IQSEC3: variants seen among roughly 807,000 people sequenced by gnomAD.
The protein encoded by IQSEC3 is IQ motif and SEC7 domain-containing protein 3.
In IQSEC3, 50 loss-of-function variants were observed where a neutral mutation model predicts 105.4. That is an observed-to-expected ratio of 0.47 (90% CI 0.38 to 0.60). The LOEUF (loss-of-function observed/expected upper bound fraction) is 0.60, where lower values mean the gene tolerates loss of function less well. IQSEC3 is among the 20% of genes least tolerant of loss of function. The pLI, the probability that IQSEC3 is intolerant of heterozygous loss-of-function variation, is 0.00. For synonymous variants in IQSEC3, 708 were observed against 746.0 expected (o/e 0.95, Z 0.83); for missense variants, 1,415 against 1,630.0 (o/e 0.87, Z 2.27).
At chr12:161,848 T>A (rs1482934861) in intron 7 of IQSEC3, 78 bp from the exon 8 acceptor site, 3 of 1,432,204 alleles carry the variant, frequency 2.1e-6, no homozygotes, top group African/African-American at 2.9e-5. Flanking sequence ...TGGATGGGGG[T>A]CTCTTCTGTC....
chr12:117,287 T>C (rs1323838344), intron 2 of IQSEC3, among the ~76,000 whole-genome samples: 1 of 152,198 alleles, frequency 6.6e-6, no homozygotes, highest in Admixed American at 6.5e-5. Context: ...TGTGTGAAAC[T>C]GTGTGTCATG....
chr12:163,436 G>C, intron 8 of IQSEC3, 58 bp from the exon 9 acceptor site: 1 of 1,493,042 alleles, frequency 6.7e-7, no homozygotes. Flanking sequence ...ATGGGCGCGT[G>C]GGTGGGGAGG....
At chr12:115,551 G>A (rs533878419) in intron 2 of IQSEC3, among the ~76,000 whole-genome samples, 14 of 152,174 alleles carry the variant, frequency 9.2e-5, no homozygotes, top group Non-Finnish European at 1.8e-4. Flanking sequence ...CGGAAGCTGG[G>A]GATGCATAAA....
chr12:132,088 G>C (rs562706361), intron 3 of IQSEC3, among the ~76,000 whole-genome samples: 1 of 152,168 alleles, frequency 6.6e-6, no homozygotes, highest in Non-Finnish European at 1.5e-5. Flanking sequence ...ATTGGGGCCC[G>C]AGGCAGGGAG....
At chr12:99,245 A>G (rs1555075518) in intron 2 of IQSEC3, 31 bp downstream of exon 2, 10 of 1,584,268 alleles carry the variant, frequency 6.3e-6, no homozygotes, top group Non-Finnish European at 7.7e-6. Context: ...TCCCTTCCGC[A>G]TCCCCACCTT....
chr12:87,871 T>C (rs1447138589), intron 1 of IQSEC3, among the ~76,000 whole-genome samples: 1 of 152,156 alleles, frequency 6.6e-6, no homozygotes, highest in Non-Finnish European at 1.5e-5. Flanking sequence ...TGTAAGGGCT[T>C]TCAAAGTGTT....
intron 3 of IQSEC3, among the ~76,000 whole-genome samples, chr12:127,371 T>C (rs1467338289): frequency 1.3e-5 from 2 of 151,380 alleles, no homozygotes; most frequent in Non-Finnish European, 2.9e-5. Context: ...ATACAAAAAT[T>C]AGCCAGGCGT....
At chr12:144,509 T>A (rs1436488183) in intron 5 of IQSEC3, 1 of 152,146 alleles carries the variant, frequency 6.6e-6, no homozygotes, top group Non-Finnish European at 1.5e-5. Flanking sequence ...AAGCAGCCGA[T>A]GAGGAAGAGC....
rs782815757 is a variant in IQSEC3, at chr12:163,447, C to G, written c.2584-47C>G. The G allele has an allele frequency of 5.8e-6, 9 of 1,542,724 alleles. No homozygotes were observed. The South Asian group carries it at 1.1e-4, about 18-fold the overall frequency. On this transcript the variant is annotated intron_variant, in intron 8 of 13. Coordinates refer to ENST00000538872, the MANE Select transcript of IQSEC3 (RefSeq NM_001170738.2). Reference sequence around the variant, plus strand: ...GAAAATGGGCGCGTGGGTGGGGAGGCCTCCAGGCCTCTGGTCTCTCCCGCT... The same window carrying G: ...GAAAATGGGCGCGTGGGTGGGGAGGGCTCCAGGCCTCTGGTCTCTCCCGCT...
chr12:74,188 G>A (rs1243094716), intron 1 of IQSEC3, among the ~76,000 whole-genome samples: 1 of 152,230 alleles, frequency 6.6e-6, no homozygotes, highest in African/African-American at 2.4e-5. Flanking sequence ...GAATGAGGCT[G>A]AATCAATTTC....
At chr12:75,459 G>A (rs1250530341) in intron 1 of IQSEC3, among the ~76,000 whole-genome samples, 3 of 152,300 alleles carry the variant, frequency 2.0e-5, no homozygotes, top group East Asian at 1.9e-4. Context: ...CTTTTCCAAC[G>A]AACTTCATGT....
chr12:131,174 T>C (rs1396091852), intron 3 of IQSEC3, among the ~76,000 whole-genome samples: 1 of 152,080 alleles, frequency 6.6e-6, no homozygotes, highest in Non-Finnish European at 1.5e-5. Context: ...TAATTAACAC[T>C]GAGAGGCTCA....
At chr12:154,305 AGCT>A (rs3063788) in intron 5 of IQSEC3, among the ~76,000 whole-genome samples, 123,855 of 152,020 alleles carry the variant, frequency 0.81, 52,891 homozygotes, top group East Asian at 0.96. Flanking sequence ...CACCCTCACC[AGCT>A]GCTCCCGCTG....
chr12:145,664 G>A (rs1451197690), intron 5 of IQSEC3, among the ~76,000 whole-genome samples: 3 of 152,230 alleles, frequency 2.0e-5, no homozygotes, highest in East Asian at 3.8e-4. Context: ...AGAGTCACGC[G>A]GTGGCAGGCC....
At chr12:165,256 G>A in intron 9 of IQSEC3, 178 bp from the exon 10 acceptor site, 1 of 622,194 alleles carries the variant, frequency 1.6e-6, no homozygotes, top group Non-Finnish European at 2.9e-6. Flanking sequence ...GTAGGGTTTT[G>A]TGCAGTGAAG....
chr12:147,009 G>A lies in IQSEC3; in HGVS notation c.2153+5724G>A, dbSNP rs562132640. On this transcript the variant is annotated intron_variant, in intron 5 of 13. Coordinates refer to ENST00000538872, the MANE Select transcript of IQSEC3 (RefSeq NM_001170738.2). Reference sequence around the variant, plus strand: ...ACTTACTTCTGTAGCTGGAGACCTTGGGACCTTCAGTCCAGGATTGAGACT... The same window carrying A: ...ACTTACTTCTGTAGCTGGAGACCTTAGGACCTTCAGTCCAGGATTGAGACT... Among the ~76,000 whole-genome samples, 4 of 152,328 alleles carry A rather than the reference G, an allele frequency of 2.6e-5. No individual in the cohort carries two copies. In the South Asian group the frequency reaches 8.3e-4, roughly 32 times the overall value.
chr12:150,888 G>A (rs1382284849), intron 5 of IQSEC3, among the ~76,000 whole-genome samples: 8 of 152,216 alleles, frequency 5.3e-5, no homozygotes, highest in Admixed American at 2.6e-4. Flanking sequence ...TCAGTAGAGG[G>A]GAGGCGTGGT....
At position 138,296 on chromosome 12, in the gene IQSEC3, T is replaced by C; in HGVS notation, c.933T>C (p.Gly311=). Residue 311 remains glycine, a synonymous_variant, in exon 4 of 14, where the codon GGT becomes GGC. Transcript: ENST00000538872. The surrounding 1 kb of genome is among the most constrained non-coding windows in gnomAD (Gnocchi z 7.1). ...AAATGCTAGAACATAAGTACGGCGG[T>C]CACCTGGTGTCCCGGCGCGCCGCTT... ...QIEMLEHKYG[G]HLVSRRAACT... The C allele has an allele frequency of 6.2e-7, 1 of 1,613,766 alleles. No homozygotes were observed. Among genetic ancestry groups the C allele is most frequent in the Non-Finnish European group, 8.5e-7 (1 of 1,179,836 alleles).
At chr12:84,230 G>A (rs1190445230) in intron 1 of IQSEC3, among the ~76,000 whole-genome samples, 1 of 152,232 alleles carries the variant, frequency 6.6e-6, no homozygotes, top group African/African-American at 2.4e-5. Flanking sequence ...TTTGGCCCGT[G>A]GCCCACTCAT....
Sources: gnomAD v4.1 joint callset for allele counts (sites outside exome capture counted in the v4.1 genomes callset) on GRCh38, gnomAD v4.1.1 for gene constraint, Gnocchi (gnomAD v3.1) non-coding constraint, MANE v1.5 for transcripts, NCBI Gene and HGNC (gene_info 2026-07-23, HGNC 2026-07-21) for gene names.